Variants in TRPS1 observed in about 807,000 individuals in gnomAD.
TRPS1 encodes the protein zinc finger transcription factor Trps1.
A neutral mutation model predicts 101.2 loss-of-function variants in TRPS1; 6 were observed. The observed-to-expected ratio is 0.06, with a 90% CI of 0.03 to 0.12. The LOEUF is 0.12. Among genes scored for constraint, TRPS1 ranks in the 10% least tolerant of loss-of-function variants. TRPS1 has a pLI of 1.00. For synonymous variants in TRPS1, 578 were observed against 589.8 expected, an observed-to-expected ratio of 0.98 and a Z score of 0.29; for missense variants, 1,363 against 1,567.0, an observed-to-expected ratio of 0.87 and a Z score of 2.20.
At chr8:115,492,647 T>C (rs1341964792) in intron 5 of TRPS1, among the ~76,000 whole-genome samples, 1 of 152,126 alleles carries the variant, frequency 6.6e-6, no homozygotes, top group Non-Finnish European at 1.5e-5. Context: ...AAAGTATGAA[T>C]GGACTCTACG....
At chr8:115,437,474 A>C (rs1813484330) in intron 5 of TRPS1, among the ~76,000 whole-genome samples, 1 of 152,250 alleles carries the variant, frequency 6.6e-6, no homozygotes, top group Non-Finnish European at 1.5e-5. Context: ...CAGTTGTCAC[A>C]ATGATGACAA....
intron 5 of TRPS1, among the ~76,000 whole-genome samples, chr8:115,485,005 T>G (rs1391096378): frequency 6.6e-6 from 1 of 152,196 alleles, no homozygotes; most frequent in African/African-American, 2.4e-5. Context: ...TCTCAGTTAT[T>G]CAATAACACT....
chr8:115,469,393 G>A (rs574305279), intron 5 of TRPS1, among the ~76,000 whole-genome samples: 1 of 152,078 alleles, frequency 6.6e-6, no homozygotes, highest in Non-Finnish European at 1.5e-5. Context: ...GGTAAATAAG[G>A]AATTTTTTTT....
Position 115,667,831 on chromosome 8 carries a change from G to C in TRPS1, c.-122+714C>G, listed in dbSNP as rs111418757. ...CACTTTGGAGACCATACGGAGGCCC[G>C]TCTCTGAGACCCTCCCGACCCTCCC... On this transcript the variant is annotated intron_variant, in intron 1 of 6. Transcript: ENST00000395715. The C allele has an allele frequency of 6.4e-4, 976 of 1,534,916 alleles. 7 individuals are homozygous for C. The African/African-American group carries it at 0.011, about 18-fold the overall frequency.
intron 5 of TRPS1, among the ~76,000 whole-genome samples, chr8:115,428,393 A>G (rs1254098345): frequency 6.6e-6 from 1 of 152,206 alleles, no homozygotes; most frequent in African/African-American, 2.4e-5. Context: ...CAGAAGAGTA[A>G]TGACAAAAAT....
chr8:115,454,473 A>G (rs540265903), intron 5 of TRPS1, among the ~76,000 whole-genome samples: 7 of 152,322 alleles, frequency 4.6e-5, no homozygotes, highest in South Asian at 2.1e-4. Context: ...TTTCATCAGC[A>G]TTCACACTAC....
At chr8:115,428,576 A>G (rs750678513) in intron 5 of TRPS1, among the ~76,000 whole-genome samples, 11 of 152,356 alleles carry the variant, frequency 7.2e-5, no homozygotes, top group Non-Finnish European at 1.3e-4. Flanking sequence ...CAGAGGTTCA[A>G]AACAGTTAAA....
intron 5 of TRPS1, among the ~76,000 whole-genome samples, chr8:115,434,505 T>C (rs1813401784): frequency 6.6e-6 from 1 of 152,184 alleles, no homozygotes; most frequent in African/African-American, 2.4e-5. Context: ...TTATAAAAAG[T>C]TACCTTTATC....
At chr8:115,444,652 T>G (rs1414650471) in intron 5 of TRPS1, among the ~76,000 whole-genome samples, 1 of 152,240 alleles carries the variant, frequency 6.6e-6, no homozygotes, top group Admixed American at 6.5e-5. Flanking sequence ...CTCCCCAGTA[T>G]GTCTTTCAAA....
intron 5 of TRPS1, among the ~76,000 whole-genome samples, chr8:115,569,767 A>T (rs991648232): frequency 6.6e-6 from 1 of 152,088 alleles, no homozygotes; most frequent in Non-Finnish European, 1.5e-5. Context: ...CTTTAGAAGG[A>T]AGCAGTATAT....
intron 3 of TRPS1, among the ~76,000 whole-genome samples, chr8:115,605,799 A>G (rs1818024846): frequency 6.6e-6 from 1 of 152,184 alleles, no homozygotes; most frequent in African/African-American, 2.4e-5. Context: ...ACCATAAAAA[A>G]TCACTACAAC....
At chr8:115,432,249 G>T (rs1267469577) in intron 5 of TRPS1, among the ~76,000 whole-genome samples, 2 of 151,500 alleles carry the variant, frequency 1.3e-5, no homozygotes, top group Non-Finnish European at 3.0e-5. Flanking sequence ...ATTAAACGAA[G>T]AATTTATTTA....
At position 115,606,986 on chromosome 8, in the gene TRPS1, C is replaced by T. The variant is rs899612084; in HGVS notation, c.967-1984G>A. Among the ~76,000 whole-genome samples the T allele has an allele frequency of 2.2e-4, 34 of 152,118 alleles. 1 individual carries two copies. The highest frequency in any genetic ancestry group is 7.2e-4 in the African/African-American group (30 of 41,516). On this transcript the variant is annotated intron_variant, in intron 3 of 6. Coordinates refer to ENST00000395715, the MANE Select transcript of TRPS1 (RefSeq NM_014112.5). ...AGAGATAAAAATTTTCTTGTTTAAG[C>T]TTTCACATTGCATCTGCCTTGCCAA...
intron 5 of TRPS1, among the ~76,000 whole-genome samples, chr8:115,421,089 A>G (rs1234159122): frequency 6.6e-6 from 1 of 151,810 alleles, no homozygotes; most frequent in Non-Finnish European, 1.5e-5. Context: ...GGTTCAAGCA[A>G]TTCTCCTGCC....
At position 115,434,941 on chromosome 8, in the gene TRPS1, A is replaced by C. The variant is rs566594985; in HGVS notation, c.2701-16489T>G. Among the ~76,000 whole-genome samples, 4 of 152,342 alleles carry C rather than the reference A, an allele frequency of 2.6e-5. 1 individual carries two copies. The South Asian group carries it at 8.3e-4, about 32-fold the overall frequency. On this transcript the variant is annotated intron_variant, in intron 5 of 6. Transcript: ENST00000395715. ...CTGCCTCCTCTTCTCTCTTAGGAAA[A>C]GAGTCTGCTTCCCACAAAATCCAAA...
chr8:115,474,028 T>C (rs1217216041), intron 5 of TRPS1, among the ~76,000 whole-genome samples: 2 of 152,162 alleles, frequency 1.3e-5, no homozygotes, highest in African/African-American at 4.8e-5. Context: ...ATTCATGTTA[T>C]AAGTGGCAAA....
chr8:115,516,950 G>C (rs372845709), intron 5 of TRPS1, among the ~76,000 whole-genome samples: 2 of 151,236 alleles, frequency 1.3e-5, no homozygotes, highest in Non-Finnish European at 3.0e-5. Flanking sequence ...GGGTAGGGAG[G>C]AAAGTCCTAA....
chr8:115,660,582 T>C (rs1198765967), intron 1 of TRPS1, among the ~76,000 whole-genome samples: 1 of 151,754 alleles, frequency 6.6e-6, no homozygotes, highest in Non-Finnish European at 1.5e-5. Context: ...AAAGCTATTA[T>C]GAACGCAAAC....
chr8:115,645,323 A>T (rs1196772120), intron 1 of TRPS1, among the ~76,000 whole-genome samples: 1 of 152,168 alleles, frequency 6.6e-6, no homozygotes, highest in Non-Finnish European at 1.5e-5. Flanking sequence ...TGGCTATGGA[A>T]TCACACAACT....
Sources: allele counts gnomAD v4.1 joint callset (sites outside exome capture counted in the v4.1 genomes callset), GRCh38; gene constraint gnomAD v4.1.1; transcripts MANE v1.5; gene names NCBI Gene and HGNC (gene_info 2026-07-23, HGNC 2026-07-21).